Variants in STAT1 observed in about 807,000 individuals in gnomAD.
STAT1 encodes signal transducer and activator of transcription 1.
A neutral mutation model predicts 111.7 loss-of-function variants in STAT1; 24 were observed. The observed-to-expected ratio is 0.21, with a 90% CI of 0.16 to 0.30. STAT1 has a LOEUF of 0.30. Among genes scored for constraint, STAT1 ranks in the 10% least tolerant of loss-of-function variants. STAT1 has a pLI of 1.00. For missense variants in STAT1, 351 were observed against 911.9 expected, an observed-to-expected ratio of 0.38 and a Z score of 7.92; for synonymous variants, 332 against 326.5, an observed-to-expected ratio of 1.02 and a Z score of -0.18.
Position 191,007,772 on chromosome 2 carries a change from C to A in STAT1, c.274-111G>T. The stretch of plus-strand genomic sequence containing the variant: ...ATATTCTCCGGGAAACCTCATCTCT[C>A]ATCTATTAAATTCTATATAAGCTAT... On this transcript the variant is annotated intron_variant, in intron 4 of 24. Transcript: ENST00000361099. This position sits in a 1 kb window ranked among gnomAD's most constrained non-coding sequence, Gnocchi z 4.2. The A allele has an allele frequency of 1.3e-6, 1 of 789,378 alleles. No homozygotes were observed. Among genetic ancestry groups the A allele is most frequent in the South Asian group, 1.5e-5 (1 of 68,016 alleles). 48.9% of individuals were successfully genotyped at this position (789,378 alleles called of 1,614,324 possible).
In STAT1 at chr2:190,997,025, C is replaced by T. The variant is rs45472492; in HGVS notation, c.785+831G>A. Reference sequence around the variant, plus strand: ...TACAGCTGCGTACATCCCCCATTCCCAGCATGGTGCTGAGAACCTGCACCA... The same window carrying T: ...TACAGCTGCGTACATCCCCCATTCCTAGCATGGTGCTGAGAACCTGCACCA... On this transcript the variant is annotated intron_variant, in intron 9 of 24. Transcript: ENST00000361099. This position sits in a 1 kb window ranked among gnomAD's most constrained non-coding sequence, Gnocchi z 7.3. Among the ~76,000 whole-genome samples the T allele has an allele frequency of 0.038, 5,852 of 152,332 alleles. 234 individuals carry two copies. Among genetic ancestry groups the T allele is most frequent in the Admixed American group, 0.11 (1,750 of 15,304 alleles).
intron 5 of STAT1, among the ~76,000 whole-genome samples, chr2:191,002,946 G>C (rs1694388838): frequency 6.6e-6 from 1 of 152,068 alleles, no homozygotes; most frequent in South Asian, 2.1e-4. Context: ...TGCATTAATA[G>C]GTTGCCCAGT....
intron 2 of STAT1, 28 bp downstream of exon 2, chr2:191,013,497 T>G: frequency 2.5e-6 from 1 of 397,420 alleles, no homozygotes; most frequent in Non-Finnish European, 4.4e-6. Context: ...ATGTACTCAT[T>G]CATCTGATTC....
Position 190,970,603 on chromosome 2 carries a change from A to T in STAT1, c.*100T>A. 1 of 1,407,512 alleles carries T rather than the reference A, an allele frequency of 7.1e-7. No individual in the cohort carries two copies. Among genetic ancestry groups the T allele is most frequent in the South Asian group, 1.2e-5 (1 of 86,534 alleles). The allele number at this position is 1,407,512 out of a possible 1,614,324, so 87.2% of individuals were successfully genotyped here. On this transcript the variant is annotated 3_prime_UTR_variant, in exon 25 of 25. Transcript: ENST00000361099. The surrounding 1 kb of genome is among the most constrained non-coding windows in gnomAD (Gnocchi z 5.4). ...CAGCGAATTTGCTGGCCTTTCTTTC[A>T]TTTCCCTAGAAACACAGGATGTGAA...
At position 190,980,404 on chromosome 2, in the gene STAT1, T is replaced by G. The variant is rs1170571715; in HGVS notation, c.1632+216A>C. Among the ~76,000 whole-genome samples, 2 of 152,242 alleles carry G rather than the reference T, an allele frequency of 1.3e-5. No homozygotes were observed. The highest frequency in any genetic ancestry group is 4.8e-5 in the African/African-American group (2 of 41,466). ...AAGCCTCATTTCAGATATGAAAGAA[T>G]GTTATCACTCAGGCAGGTGCTTCCT... On this transcript the variant is annotated intron_variant, in intron 19 of 24. Transcript: ENST00000361099. This position sits in a 1 kb window ranked among gnomAD's most constrained non-coding sequence, Gnocchi z 6.1.
Position 190,983,858 on chromosome 2 carries a change from T to TCTCATTTTCAA in STAT1, c.1348-119_1348-118insTTGAAAATGAG. 1 of 854,292 alleles carries TCTCATTTTCAA rather than the reference T, an allele frequency of 1.2e-6. No individual in the cohort carries two copies. The highest frequency in any genetic ancestry group is 1.7e-5 in the African/African-American group (1 of 59,896). 52.9% of individuals were successfully genotyped at this position (854,292 alleles called of 1,614,324 possible). A position where few individuals can be genotyped will look rare whatever the true frequency, so the allele number is the denominator to read the frequency against. On this transcript the variant is annotated intron_variant, in intron 16 of 24. Coordinates refer to ENST00000361099, the MANE Select transcript of STAT1 (RefSeq NM_007315.4). This position sits in a 1 kb window ranked among gnomAD's most constrained non-coding sequence, Gnocchi z 5.7. ...TGTAAATTTGTACATATTTAATACT[T>TCTCATTTTCAA]GAAAATGAGAAGTGTTAAGTTCTGT...
At position 190,987,414 on chromosome 2, in the gene STAT1, C is replaced by G. The variant is rs1415897254; in HGVS notation, c.1098-346G>C. Reference sequence around the variant, plus strand: ...ATGTAAGCACCAGCACCAGTACACCCTCAATAAATGTTTAAGCTATCGTTA... The same window carrying G: ...ATGTAAGCACCAGCACCAGTACACCGTCAATAAATGTTTAAGCTATCGTTA... On this transcript the variant is annotated intron_variant, in intron 12 of 24. Coordinates refer to ENST00000361099, the MANE Select transcript of STAT1 (RefSeq NM_007315.4). This position sits in a 1 kb window ranked among gnomAD's most constrained non-coding sequence, Gnocchi z 4.0. Among the ~76,000 whole-genome samples the G allele has an allele frequency of 6.6e-6, 1 of 152,246 alleles. No homozygotes were observed. Among genetic ancestry groups the G allele is most frequent in the Non-Finnish European group, 1.5e-5 (1 of 68,044 alleles).
Position 190,978,783 on chromosome 2 carries a change from G to A in STAT1, c.1873+73C>T. The A allele has an allele frequency of 6.3e-7, 1 of 1,578,654 alleles. No individual in the cohort carries two copies. Among genetic ancestry groups the A allele is most frequent in the Admixed American group, 1.8e-5 (1 of 56,298 alleles). ...TGTCCCAAACGCACTATCTGTATGA[G>A]CTGACTGGCGGCGATGAAGAGGGAC... On this transcript the variant is annotated intron_variant, in intron 21 of 24. Coordinates refer to ENST00000361099, the MANE Select transcript of STAT1 (RefSeq NM_007315.4). The surrounding 1 kb of genome is among the most constrained non-coding windows in gnomAD (Gnocchi z 6.1).
chr2:190,997,350 A>G lies in STAT1; in HGVS notation c.785+506T>C, dbSNP rs1693931474. ...TACTTTTACCACACGAATTATTACC[A>G]TGTCTACATCCCCCCCTCCACACTG... On this transcript the variant is annotated intron_variant, in intron 9 of 24. Transcript: ENST00000361099. The surrounding 1 kb of genome is among the most constrained non-coding windows in gnomAD (Gnocchi z 7.3). 6.6e-6 allele frequency among the ~76,000 whole-genome samples: 1 copy of G among 152,074 alleles called. No homozygotes were observed. Among genetic ancestry groups the G allele is most frequent in the African/African-American group, 2.4e-5 (1 of 41,420 alleles).
intron 4 of STAT1, chr2:191,008,163 T>C (rs1230392727): frequency 8.5e-6 from 2 of 236,456 alleles, no homozygotes; most frequent in African/African-American, 4.6e-5. Flanking sequence ...TCATGCAAGG[T>C]CTGTATGAGA....
chr2:190,987,650 G>A lies in STAT1; in HGVS notation c.1098-582C>T, dbSNP rs1309809067. 2.6e-5 allele frequency among the ~76,000 whole-genome samples: 4 copies of A among 152,172 alleles called. No individual in the cohort carries two copies. In the South Asian group the frequency reaches 8.3e-4, roughly 31 times the overall value. On this transcript the variant is annotated intron_variant, in intron 12 of 24. Coordinates refer to ENST00000361099, the MANE Select transcript of STAT1 (RefSeq NM_007315.4). This position sits in a 1 kb window ranked among gnomAD's most constrained non-coding sequence, Gnocchi z 4.0. ...TGGCAAGTTTAAGTTTTAAGTCTGA[G>A]GTTAAAATTTTGAAAGACCTTGCAC...
rs1691829141 is a variant in STAT1, at chr2:190,975,383, A to AC, written c.2135+428dup. Reference sequence around the variant, plus strand: ...GAAGGCTACATCCATTCACCCCAAGACAGTGCTGCAGGCCAAATAACTGAC... The same window carrying AC: ...GAAGGCTACATCCATTCACCCCAAGACCAGTGCTGCAGGCCAAATAACTGAC... On this transcript the variant is annotated intron_variant, in intron 23 of 24. Transcript: ENST00000361099. This position sits in a 1 kb window ranked among gnomAD's most constrained non-coding sequence, Gnocchi z 5.9. 2.0e-6 allele frequency: 1 copy of AC among 503,080 alleles called. No homozygotes were observed. Among genetic ancestry groups the AC allele is most frequent in the African/African-American group, 2.0e-5 (1 of 50,962 alleles). 31.2% of individuals were successfully genotyped at this position (503,080 alleles called of 1,614,324 possible). A position where few individuals can be genotyped will look rare whatever the true frequency, so the allele number is the denominator to read the frequency against.
chr2:190,986,165 G>C lies in STAT1; in HGVS notation c.1222-505C>G, dbSNP rs1692799870. ...TGAGTTGGGCTAAGCTTTCGAGTTA[G>C]GTAGAGCTTCCTAGCTACGAGGCTT... is the stretch of plus-strand genomic sequence containing the variant. On this transcript the variant is annotated intron_variant, in intron 14 of 24. Transcript: ENST00000361099. This position sits in a 1 kb window ranked among gnomAD's most constrained non-coding sequence, Gnocchi z 5.0. Among the ~76,000 whole-genome samples, 1 of 152,198 alleles carries C rather than the reference G, an allele frequency of 6.6e-6. No homozygotes were observed.
chr2:191,002,964 T>C (rs1694390642), intron 5 of STAT1, among the ~76,000 whole-genome samples: 1 of 152,230 alleles, frequency 6.6e-6, no homozygotes, highest in Non-Finnish European at 1.5e-5. Context: ...AGTCATGGAC[T>C]ACCCTTGTAA....
Position 191,009,286 on chromosome 2 carries a change from T to C in STAT1, c.129-179A>G, listed in dbSNP as rs564360797. On this transcript the variant is annotated intron_variant, in intron 3 of 24. Transcript: ENST00000361099. ...GCAGCAGTTTATGTGGTATTTCTCT[T>C]ATGTGCAATTAGCACAAAAAATTCT... Among the ~76,000 whole-genome samples the C allele has an allele frequency of 1.1e-4, 17 of 152,366 alleles. No homozygotes were observed. In the South Asian group the frequency reaches 2.7e-3, roughly 24 times the overall value.
Position 190,981,753 on chromosome 2 carries a change from A to G in STAT1, c.1582+630T>C, listed in dbSNP as rs1214739086. On this transcript the variant is annotated intron_variant, in intron 18 of 24. Transcript: ENST00000361099. This position sits in a 1 kb window ranked among gnomAD's most constrained non-coding sequence, Gnocchi z 4.1. ...GGATTTTTAAAGAAATAGTTCAGAT[A>G]GCCTCACTCACTGAAAGATCTGACC... Among the ~76,000 whole-genome samples the G allele has an allele frequency of 6.6e-6, 1 of 152,264 alleles. No individual in the cohort carries two copies. The highest frequency in any genetic ancestry group is 1.5e-5 in the Non-Finnish European group (1 of 68,054).
At chr2:190,988,157 C>T (rs904041964) in intron 12 of STAT1, among the ~76,000 whole-genome samples, 1 of 152,182 alleles carries the variant, frequency 6.6e-6, no homozygotes, top group African/African-American at 2.4e-5. Context: ...CCAAGGCTAG[C>T]ACTCACAGGC....
In STAT1 at chr2:190,985,436, T is replaced by C. The variant is rs377135729; in HGVS notation, c.1263+183A>G. ...ATTTGTGTGCAAAATCGTTTGACAA[T>C]AGTAAAGCACAAATGTGGTGTTTTT... is the stretch of plus-strand genomic sequence containing the variant. On this transcript the variant is annotated intron_variant, in intron 15 of 24. Transcript: ENST00000361099. 1.9e-4 allele frequency among the ~76,000 whole-genome samples: 29 copies of C among 152,328 alleles called. No individual in the cohort carries two copies. In the South Asian group the frequency reaches 5.8e-3, roughly 30 times the overall value.
rs371727886 is a variant in STAT1 at position 190,987,187 on chromosome 2, T to C, written c.1098-119A>G. The stretch of plus-strand genomic sequence containing the variant: ...GTGAATGATGAATAAAAAATAAATC[T>C]ACACCTATGGATTTGCAGCCTTTCA... On this transcript the variant is annotated intron_variant, in intron 12 of 24. Transcript: ENST00000361099. The surrounding 1 kb of genome is among the most constrained non-coding windows in gnomAD (Gnocchi z 4.0). 8.8e-6 allele frequency: 7 copies of C among 798,282 alleles called. No homozygotes were observed. In the South Asian group the frequency reaches 1.1e-4, roughly 12 times the overall value. The allele number at this position is 798,282 out of a possible 1,614,324, so 49.4% of individuals were successfully genotyped here.
Sources: gnomAD v4.1 joint callset for allele counts (sites outside exome capture counted in the v4.1 genomes callset) on GRCh38, gnomAD v4.1.1 for gene constraint, Gnocchi (gnomAD v3.1) non-coding constraint, MANE v1.5 for transcripts, NCBI Gene and HGNC (gene_info 2026-07-23, HGNC 2026-07-21) for gene names.